The following SLC35F4 variants were observed in gnomAD, a reference collection of about 807,000 sequenced individuals.
The protein encoded by SLC35F4 is solute carrier family 35 member F4.
SLC35F4 carries 24 observed loss-of-function variants against 44.2 expected under a neutral mutation model. The observed-to-expected ratio is 0.54, with a 90% CI of 0.39 to 0.76. SLC35F4 has a LOEUF of 0.76. Ranked by LOEUF, SLC35F4 falls within the 30% of genes least tolerant of loss-of-function variation. SLC35F4 has a pLI of 0.00. For missense variants in SLC35F4, 562 were observed against 586.1 expected (o/e 0.96, Z 0.42); for synonymous variants, 238 against 223.6 (o/e 1.06, Z -0.57).
chr14:57,676,035 A>G (rs984564686), intron 1 of SLC35F4, among the ~76,000 whole-genome samples: 1 of 152,080 alleles, frequency 6.6e-6, no homozygotes, highest in African/African-American at 2.4e-5. Context: ...GACAACCCAC[A>G]GAGTGGAAGA....
chr14:57,836,957 A>C (rs1040040821), intron 1 of SLC35F4, among the ~76,000 whole-genome samples: 15 of 152,228 alleles, frequency 9.9e-5, no homozygotes, highest in Non-Finnish European at 2.1e-4. Flanking sequence ...TATATTAAAA[A>C]CTGAAATAAT....
intron 1 of SLC35F4, among the ~76,000 whole-genome samples, chr14:57,632,709 GTTTT>G: frequency 6.6e-6 from 1 of 152,044 alleles, no homozygotes; most frequent in Non-Finnish European, 1.5e-5. Flanking sequence ...CCTTCTATGG[GTTTT>G]TTGTTTTTGT....
At chr14:57,774,967 T>C (rs532447776) in intron 1 of SLC35F4, among the ~76,000 whole-genome samples, 5 of 152,240 alleles carry the variant, frequency 3.3e-5, no homozygotes, top group Admixed American at 1.3e-4. Context: ...ACCATTGTCA[T>C]TGGAACCTTA....
intron 1 of SLC35F4, chr14:57,629,767 C>T: frequency 3.5e-6 from 1 of 284,988 alleles, no homozygotes; most frequent in Non-Finnish European, 7.0e-6. Flanking sequence ...GAAGCAGGGA[C>T]AGAGCTCAGG....
intron 1 of SLC35F4, among the ~76,000 whole-genome samples, chr14:57,774,991 C>A (rs946018414): frequency 1.3e-5 from 2 of 152,210 alleles, no homozygotes; most frequent in Non-Finnish European, 2.9e-5. Flanking sequence ...GACATGGAGC[C>A]TGCCAGCACC....
At chr14:57,751,705 A>G (rs10483693) in intron 1 of SLC35F4, among the ~76,000 whole-genome samples, 27,997 of 152,212 alleles carry the variant, frequency 0.18, 2,887 homozygotes, top group South Asian at 0.27. Context: ...TACAAGGAAT[A>G]GGACAAAAAT....
chr14:57,887,236 G>T (rs549871015), intron 1 of SLC35F4, among the ~76,000 whole-genome samples: 6 of 152,314 alleles, frequency 3.9e-5, no homozygotes, highest in South Asian at 4.1e-4. Flanking sequence ...TAAGGGCAAG[G>T]TAGCAACCAA....
intron 1 of SLC35F4, among the ~76,000 whole-genome samples, chr14:57,675,711 T>G (rs901494769): frequency 6.6e-6 from 1 of 152,064 alleles, no homozygotes; most frequent in African/African-American, 2.4e-5. Flanking sequence ...TTGTTGAGGG[T>G]TTTTATCATA....
At chr14:57,980,781 T>G (rs529462277) in intron 1 of SLC35F4, among the ~76,000 whole-genome samples, 1 of 152,332 alleles carries the variant, frequency 6.6e-6, no homozygotes, top group South Asian at 2.1e-4. Context: ...TTAAATAAAA[T>G]GTTTAATTGA....
At chr14:57,972,144 A>C (rs1378963481), downstream of SLC35F4, among the ~76,000 whole-genome samples, 1 of 152,234 alleles carries the variant, frequency 6.6e-6, no homozygotes, top group Non-Finnish European at 1.5e-5. Flanking sequence ...GATTACAGTG[A>C]AAGAGGGGGA....
chr14:57,698,103 G>T (rs535051042), intron 1 of SLC35F4, among the ~76,000 whole-genome samples: 115 of 152,290 alleles, frequency 7.6e-4, no homozygotes, highest in African/African-American at 2.7e-3. Context: ...TAAGAGAATT[G>T]AGTTAATATA....
At chr14:57,787,310 G>C (rs539250866) in intron 1 of SLC35F4, among the ~76,000 whole-genome samples, 1 of 152,302 alleles carries the variant, frequency 6.6e-6, no homozygotes, top group African/African-American at 2.4e-5. Flanking sequence ...TGAAGAAGAA[G>C]AGAATTCTAA....
chr14:57,646,432 T>C (rs995293335), intron 1 of SLC35F4, among the ~76,000 whole-genome samples: 2 of 152,262 alleles, frequency 1.3e-5, no homozygotes, highest in African/African-American at 4.8e-5. Flanking sequence ...TAGTATTCTC[T>C]GACGGTAGTT....
intron 1 of SLC35F4, among the ~76,000 whole-genome samples, chr14:57,913,401 T>C (rs530268473): frequency 6.6e-6 from 1 of 152,250 alleles, no homozygotes; most frequent in South Asian, 2.1e-4. Flanking sequence ...CATTTTATAT[T>C]ATTTTATTTC....
In SLC35F4 at chr14:57,643,801, T is replaced by C. The variant is rs113048486; in HGVS notation, c.104-49677A>G. On this transcript the variant is annotated intron_variant, in intron 1 of 7. Coordinates refer to ENST00000556826, the MANE Select transcript of SLC35F4 (RefSeq NM_001306087.2). ...CCCCACAACAGGCCCGGGTGTGTGA[T>C]GTTCCCCTTCCTGTGTCCATGTGTT... Among the ~76,000 whole-genome samples, 1,370 of 152,154 alleles carry C rather than the reference T, an allele frequency of 9.0e-3. 5 individuals are homozygous for C. The highest frequency in any genetic ancestry group is 0.013 in the Non-Finnish European group (914 of 68,002).
At chr14:57,757,999 T>C (rs903480924) in intron 1 of SLC35F4, among the ~76,000 whole-genome samples, 17 of 113,938 alleles carry the variant, frequency 1.5e-4, no homozygotes, top group African/African-American at 5.4e-4. Context: ...GATTATAGGT[T>C]CATGTGTGTG....
At chr14:57,630,378 C>G in intron 1 of SLC35F4, 3 of 633,604 alleles carry the variant, frequency 4.7e-6, no homozygotes, top group Admixed American at 2.2e-5. Flanking sequence ...AGAAGCCATT[C>G]CAAATATGAT....
At chr14:57,596,636 G>T (rs573233811) in intron 1 of SLC35F4, 4 of 539,798 alleles carry the variant, frequency 7.4e-6, no homozygotes, top group Non-Finnish European at 1.4e-5. Context: ...CTAGAAATAG[G>T]CTGGGTAGCA....
chr14:57,738,869 G>A (rs903237120), intron 1 of SLC35F4, among the ~76,000 whole-genome samples: 1 of 146,872 alleles, frequency 6.8e-6, no homozygotes, highest in East Asian at 2.0e-4. Flanking sequence ...AACATTATGA[G>A]ATATATATAT....
Sources: allele counts gnomAD v4.1 joint callset (sites outside exome capture counted in the v4.1 genomes callset), GRCh38; gene constraint gnomAD v4.1.1; transcripts MANE v1.5; gene names NCBI Gene and HGNC (gene_info 2026-07-23, HGNC 2026-07-21).